Variants in ACBD6 observed in about 807,000 individuals in gnomAD.
The protein encoded by ACBD6 is acyl-CoA-binding domain-containing protein 6.
ACBD6 carries 28 observed loss-of-function variants against 37.2 expected under a neutral mutation model. That is an observed-to-expected ratio of 0.75 (90% CI 0.56 to 1.03). The LOEUF (loss-of-function observed/expected upper bound fraction) is 1.03. Among genes scored for constraint, ACBD6 ranks in the 50% least tolerant of loss-of-function variants. The pLI, the probability that ACBD6 is intolerant of heterozygous loss-of-function variation, is 0.00. For missense variants in ACBD6, 340 were observed against 337.4 expected, an observed-to-expected ratio of 1.01 and a Z score of -0.06; for synonymous variants, 113 against 126.8, an observed-to-expected ratio of 0.89 and a Z score of 0.73.
rs947657883 is a variant in ACBD6 at position 180,298,972 on chromosome 1, C to T, written c.695-10455G>A. 5.9e-5 allele frequency among the ~76,000 whole-genome samples: 9 copies of T among 152,302 alleles called. No homozygotes were observed. In the East Asian group the frequency reaches 1.7e-3, roughly 29 times the overall value. On this transcript the variant is annotated intron_variant, in intron 7 of 7. Coordinates refer to ENST00000367595, the MANE Select transcript of ACBD6 (RefSeq NM_032360.4). ...TGGAGACTCACTGTTGAGAGGCATC[C>T]ATTATGTTTATGTTAGCACAGAGCC...
intron 6 of ACBD6, among the ~76,000 whole-genome samples, chr1:180,386,728 C>G (rs1653859191): frequency 6.6e-6 from 1 of 151,978 alleles, no homozygotes; most frequent in Non-Finnish European, 1.5e-5. Flanking sequence ...TTTATTTCAG[C>G]TATTATATTT....
chr1:180,358,286 G>A (rs1652704370), intron 6 of ACBD6, among the ~76,000 whole-genome samples: 1 of 152,144 alleles, frequency 6.6e-6, no homozygotes, highest in Non-Finnish European at 1.5e-5. Context: ...CATTAGCTGG[G>A]CATGGTGGCG....
intron 3 of ACBD6, among the ~76,000 whole-genome samples, chr1:180,472,562 G>A (rs1195621363): frequency 6.6e-6 from 1 of 152,046 alleles, no homozygotes; most frequent in Non-Finnish European, 1.5e-5. Context: ...CATCAATAAC[G>A]ATTAAAAAAT....
intron 7 of ACBD6, among the ~76,000 whole-genome samples, chr1:180,306,668 C>G (rs1356094401): frequency 1.3e-5 from 2 of 152,174 alleles, no homozygotes; most frequent in Non-Finnish European, 2.9e-5. Flanking sequence ...GTATAGTATT[C>G]TAGCAGATGA....
chr1:180,490,801 GA>G (rs1441217894), intron 3 of ACBD6, among the ~76,000 whole-genome samples: 1 of 139,570 alleles, frequency 7.2e-6, no homozygotes, highest in Non-Finnish European at 1.6e-5. Flanking sequence ...AAAAAAAAAA[GA>G]AAAAAAATTT....
chr1:180,270,898 AGCG>A, exon 14 of ACBD6: 1 of 238,608 alleles, frequency 4.2e-6, no homozygotes. Flanking sequence ...CTGTGAGCCC[AGCG>A]ACGCCAGGGC....
chr1:180,387,007 A>G (rs1181636435), intron 6 of ACBD6, among the ~76,000 whole-genome samples: 1 of 152,120 alleles, frequency 6.6e-6, no homozygotes, highest in East Asian at 1.9e-4. Context: ...TTCTATTTAA[A>G]TCTTCTAGTT....
intron 4 of ACBD6, among the ~76,000 whole-genome samples, chr1:180,424,327 A>G (rs1648496329): frequency 6.6e-6 from 1 of 152,202 alleles, no homozygotes; most frequent in Non-Finnish European, 1.5e-5. Flanking sequence ...CATATAATAA[A>G]TGGTCAATAA....
At chr1:180,338,473 A>G (rs987177644) in intron 6 of ACBD6, among the ~76,000 whole-genome samples, 1 of 152,250 alleles carries the variant, frequency 6.6e-6, no homozygotes, top group African/African-American at 2.4e-5. Flanking sequence ...CTGGCTAGCC[A>G]TATGTAGAAA....
intron 5 of ACBD6, among the ~76,000 whole-genome samples, chr1:180,408,856 T>G (rs1647735543): frequency 6.6e-6 from 1 of 151,974 alleles, no homozygotes; most frequent in South Asian, 2.1e-4. Context: ...TAAAGACACA[T>G]TAAAAGAACT....
chr1:180,402,027 C>T (rs1402592259), intron 5 of ACBD6, among the ~76,000 whole-genome samples: 1 of 152,072 alleles, frequency 6.6e-6, no homozygotes, highest in East Asian at 1.9e-4. Context: ...AAATGAAATA[C>T]TGCAAACAGG....
intron 6 of ACBD6, among the ~76,000 whole-genome samples, chr1:180,336,145 C>A (rs1651708172): frequency 6.7e-6 from 1 of 150,158 alleles, no homozygotes. Flanking sequence ...TTGAACTCAG[C>A]TCTGCACCAA....
chr1:180,352,237 A>C (rs1466788621), intron 6 of ACBD6, among the ~76,000 whole-genome samples: 1 of 152,134 alleles, frequency 6.6e-6, no homozygotes, highest in Admixed American at 6.5e-5. Flanking sequence ...TTGCACAACA[A>C]TGTGAATGGA....
chr1:180,295,271 A>AT (rs35514630), intron 7 of ACBD6, among the ~76,000 whole-genome samples: 12,237 of 131,908 alleles, frequency 0.093, 705 homozygotes, highest in African/African-American at 0.16. Flanking sequence ...GCATCCTGCA[A>AT]TTTTTTTTTT....
intron 3 of ACBD6, among the ~76,000 whole-genome samples, chr1:180,484,578 A>C (rs1651184379): frequency 6.6e-6 from 1 of 152,214 alleles, no homozygotes; most frequent in African/African-American, 2.4e-5. Flanking sequence ...ACAGGTATGA[A>C]TATAAACTTA....
intron 7 of ACBD6, among the ~76,000 whole-genome samples, chr1:180,299,143 A>G (rs1485536691): frequency 1.3e-5 from 2 of 152,246 alleles, no homozygotes; most frequent in Non-Finnish European, 2.9e-5. Flanking sequence ...CTGTTTGCTC[A>G]AAATTCATTA....
intron 3 of ACBD6, among the ~76,000 whole-genome samples, chr1:180,452,041 T>A (rs1341543171): frequency 6.6e-6 from 1 of 152,164 alleles, no homozygotes; most frequent in East Asian, 1.9e-4. Context: ...ATAAACAAGT[T>A]CTTTGAAAAC....
At chr1:180,452,982 G>C (rs530001598) in intron 3 of ACBD6, among the ~76,000 whole-genome samples, 1 of 152,274 alleles carries the variant, frequency 6.6e-6, no homozygotes, top group African/African-American at 2.4e-5. Flanking sequence ...AAATCTACCA[G>C]AGGTACAAAG....
rs143505987 is a variant in ACBD6, at chr1:180,301,995, G to C, written c.694+12697C>G. ...GGTGCCATGAACGGTCTGTGTTTGA[G>C]TGTATAAGTTTTGATAAATTTTAAC... On this transcript the variant is annotated intron_variant, in intron 7 of 7. Transcript: ENST00000367595. Among the ~76,000 whole-genome samples, 825 of 151,410 alleles carry C rather than the reference G, an allele frequency of 5.4e-3. 7 individuals are homozygous for C. Among genetic ancestry groups the C allele is most frequent in the African/African-American group, 0.019 (780 of 41,336 alleles).
Sources: allele counts gnomAD v4.1 joint callset (sites outside exome capture counted in the v4.1 genomes callset), GRCh38; gene constraint gnomAD v4.1.1; transcripts MANE v1.5; gene names NCBI Gene and HGNC (gene_info 2026-07-23, HGNC 2026-07-21).